Variants in ARL8B observed in about 807,000 individuals in gnomAD.
ARL8B encodes ARF like GTPase 8B, also known as ADP-ribosylation factor-like protein 8B.
A neutral mutation model predicts 30.6 loss-of-function variants in ARL8B; 9 were observed. That is an observed-to-expected ratio of 0.29 (90% CI 0.18 to 0.51). The LOEUF (loss-of-function observed/expected upper bound fraction) is 0.51, where lower values mean the gene tolerates loss of function less well. Ranked by LOEUF, ARL8B falls within the 20% of genes least tolerant of loss-of-function variation. The pLI, the probability that ARL8B is intolerant of heterozygous loss-of-function variation, is 0.97. For synonymous variants in ARL8B, 74 were observed against 76.0 expected (o/e 0.97, Z 0.14); for missense variants, 130 against 227.2 (o/e 0.57, Z 2.75).
chr3:5,128,679 T>G (rs2106552565), intron 1 of ARL8B: 1 of 237,720 alleles, frequency 4.2e-6, no homozygotes, highest in East Asian at 1.3e-4. Context: ...CTGAAATTTT[T>G]TTTGTGTTAT....
intron 1 of ARL8B, among the ~76,000 whole-genome samples, chr3:5,139,172 A>T (rs946332198): frequency 5.9e-5 from 9 of 152,202 alleles, no homozygotes; most frequent in Admixed American, 3.3e-4. Flanking sequence ...GAAGTTGCAA[A>T]ATTGTGAGGC....
chr3:5,142,360 C>T (rs2054381812), intron 1 of ARL8B, among the ~76,000 whole-genome samples: 1 of 152,128 alleles, frequency 6.6e-6, no homozygotes, highest in South Asian at 2.1e-4. Flanking sequence ...GAGGGGATTG[C>T]TTTGGGATCT....
intron 1 of ARL8B, among the ~76,000 whole-genome samples, chr3:5,128,127 C>A (rs1466809307): frequency 7.9e-5 from 11 of 138,814 alleles, no homozygotes; most frequent in African/African-American, 3.0e-4. Flanking sequence ...TGAGCGACTG[C>A]ACTCCAGCCT....
intron 1 of ARL8B, among the ~76,000 whole-genome samples, chr3:5,146,618 A>G (rs2054421062): frequency 6.6e-6 from 1 of 151,952 alleles, no homozygotes; most frequent in Non-Finnish European, 1.5e-5. Flanking sequence ...TTCCTCCTTT[A>G]TTAGGAGGCC....
In ARL8B at chr3:5,178,863, A is replaced by T; in HGVS notation, c.*150A>T. 7.5e-7 allele frequency: 1 copy of T among 1,339,808 alleles called. No individual in the cohort carries two copies. Among genetic ancestry groups the T allele is most frequent in the Non-Finnish European group, 1.0e-6 (1 of 1,000,814 alleles). 83.0% of individuals were successfully genotyped at this position (1,339,808 alleles called of 1,614,324 possible). On this transcript the variant is annotated 3_prime_UTR_variant, in exon 7 of 7. Transcript: ENST00000256496. ...TTCTCATGTGCACTGCTGAAGATGA[A>T]TATCCCTAATCCTTCATAAAGAATC... is the stretch of plus-strand genomic sequence containing the variant.
chr3:5,129,871 T>C (rs2054266702), intron 1 of ARL8B, among the ~76,000 whole-genome samples: 1 of 151,434 alleles, frequency 6.6e-6, no homozygotes, highest in Non-Finnish European at 1.5e-5. Flanking sequence ...CTCTCTCTCT[T>C]TTTTGTTTTT....
chr3:5,147,826 A>G (rs995532832), intron 1 of ARL8B, among the ~76,000 whole-genome samples: 8 of 151,068 alleles, frequency 5.3e-5, no homozygotes, highest in South Asian at 4.2e-4. Flanking sequence ...CTCCGGATCT[A>G]ATTTTCTCAT....
intron 1 of ARL8B, among the ~76,000 whole-genome samples, chr3:5,129,658 C>T (rs1369971457): frequency 6.6e-6 from 1 of 152,036 alleles, no homozygotes; most frequent in Non-Finnish European, 1.5e-5. Context: ...GAGATCCCCC[C>T]ACCATAGCCT....
intron 2 of ARL8B, among the ~76,000 whole-genome samples, chr3:5,171,884 C>G (rs1006737502): frequency 6.6e-6 from 1 of 152,150 alleles, no homozygotes; most frequent in African/African-American, 2.4e-5. Context: ...AGTTAACAGG[C>G]AAACTATTGC....
chr3:5,151,727 C>G (rs547322311), intron 1 of ARL8B, among the ~76,000 whole-genome samples: 16 of 126,518 alleles, frequency 1.3e-4, no homozygotes, highest in African/African-American at 3.5e-4. Context: ...CCCCACCCCC[C>G]CCCTTGGAGA....
chr3:5,123,149 C>T (rs1299137989), intron 1 of ARL8B, among the ~76,000 whole-genome samples: 2 of 152,184 alleles, frequency 1.3e-5, no homozygotes, highest in Non-Finnish European at 2.9e-5. Context: ...TCACCCGTCC[C>T]CCAGGCGCGG....
chr3:5,161,218 T>C (rs1183898524), intron 1 of ARL8B, among the ~76,000 whole-genome samples: 3 of 152,164 alleles, frequency 2.0e-5, no homozygotes, highest in African/African-American at 4.8e-5. Context: ...CCACTAGTTA[T>C]CTTGAAAAAA....
rs1433471465 is a variant in ARL8B, at chr3:5,122,326, G to T, written c.-140G>T. 1 of 1,526,872 alleles carries T rather than the reference G, an allele frequency of 6.5e-7. No homozygotes were observed. The highest frequency in any genetic ancestry group is 1.2e-5 in the South Asian group (1 of 83,306). The allele number at this position is 1,526,872 out of a possible 1,614,324, so 94.6% of individuals were successfully genotyped here. On this transcript the variant is annotated 5_prime_UTR_variant, in exon 1 of 7. Transcript: ENST00000256496. The stretch of plus-strand genomic sequence containing the variant: ...GCTCGGCTTCCTGGGTCTGGCTGCT[G>T]CCGCCCGCCGGTGTCCGCCCGTGTC...
chr3:5,138,299 C>T (rs1231268290), intron 1 of ARL8B, among the ~76,000 whole-genome samples: 1 of 151,360 alleles, frequency 6.6e-6, no homozygotes, highest in African/African-American at 2.4e-5. Context: ...ACATTGACTT[C>T]AAGCTTTTGT....
chr3:5,132,587 A>AGAAAC (rs2054292774), intron 1 of ARL8B, among the ~76,000 whole-genome samples: 2 of 152,150 alleles, frequency 1.3e-5, no homozygotes, highest in Admixed American at 6.6e-5. Flanking sequence ...TCTTGTTTCT[A>AGAAAC]ATAGTCTGTC....
chr3:5,153,971 T>G (rs2054511010), intron 1 of ARL8B, among the ~76,000 whole-genome samples: 1 of 152,136 alleles, frequency 6.6e-6, no homozygotes. Flanking sequence ...ATGCTTTGAT[T>G]GTTTCTGATG....
At chr3:5,127,532 A>G (rs1450652716) in intron 1 of ARL8B, among the ~76,000 whole-genome samples, 1 of 152,182 alleles carries the variant, frequency 6.6e-6, no homozygotes, top group Non-Finnish European at 1.5e-5. Context: ...TTTATCTATG[A>G]ACATGAATTA....
At position 5,179,708 on chromosome 3, in the gene ARL8B, CAAAT is replaced by C. The variant is rs968844630; in HGVS notation, c.*999_*1002del. On this transcript the variant is annotated 3_prime_UTR_variant, in exon 7 of 7. Coordinates refer to ENST00000256496, the MANE Select transcript of ARL8B (RefSeq NM_018184.3). ...TTTCAGCACAAAAGATACTTATAAA[CAAAT>C]AAAAAATTTTTATTTTTCTCTCTTA... The C allele has an allele frequency of 4.6e-5, 7 of 152,650 alleles. No individual in the cohort carries two copies. The highest frequency in any genetic ancestry group is 2.0e-4 in the Admixed American group (3 of 15,296). 9.5% of individuals were successfully genotyped at this position (152,650 alleles called of 1,614,324 possible).
chr3:5,154,669 A>G (rs2106563962), intron 1 of ARL8B, among the ~76,000 whole-genome samples: 1 of 152,270 alleles, frequency 6.6e-6, no homozygotes, highest in African/African-American at 2.4e-5. Context: ...TGTACCCATT[A>G]AACAGTAACT....
Sources: gnomAD v4.1 joint callset for allele counts (sites outside exome capture counted in the v4.1 genomes callset) on GRCh38, gnomAD v4.1.1 for gene constraint, MANE v1.5 for transcripts, NCBI Gene and HGNC (gene_info 2026-07-23, HGNC 2026-07-21) for gene names.